CDH13: variants seen among roughly 807,000 people sequenced by gnomAD.
The protein encoded by CDH13 is cadherin 13.
A neutral mutation model predicts 63.8 loss-of-function variants in CDH13; 24 were observed. The observed-to-expected ratio is 0.38, with a 90% CI of 0.27 to 0.53. CDH13 has a LOEUF of 0.53. Ranked by LOEUF, CDH13 falls within the 20% of genes least tolerant of loss-of-function variation. The pLI, the probability that CDH13 is intolerant of heterozygous loss-of-function variation, is 0.85. For synonymous variants in CDH13, 503 were observed against 355.3 expected, an observed-to-expected ratio of 1.42 and a Z score of -4.67; for missense variants, 1,049 against 903.1, an observed-to-expected ratio of 1.16 and a Z score of -2.07.
At chr16:82,892,329 A>T (rs1264106028) in intron 2 of CDH13, among the ~76,000 whole-genome samples, 1 of 152,164 alleles carries the variant, frequency 6.6e-6, no homozygotes, top group African/African-American at 2.4e-5. Context: ...CTGCATGCTC[A>T]CACACTCTAG....
intron 10 of CDH13, among the ~76,000 whole-genome samples, chr16:83,679,686 C>G (rs1915247113): frequency 1.3e-5 from 2 of 152,132 alleles, no homozygotes; most frequent in Admixed American, 1.3e-4. Flanking sequence ...AAGAGAGAGT[C>G]TTTCTTAAGT....
At chr16:83,375,761 G>A (rs2091448691) in intron 6 of CDH13, among the ~76,000 whole-genome samples, 3 of 152,128 alleles carry the variant, frequency 2.0e-5, no homozygotes, top group South Asian at 2.1e-4. Flanking sequence ...AGCATGAGAA[G>A]CTTGTTGCAG....
intron 8 of CDH13, among the ~76,000 whole-genome samples, chr16:83,666,070 G>A (rs946329512): frequency 6.6e-6 from 1 of 152,148 alleles, no homozygotes; most frequent in Non-Finnish European, 1.5e-5. Context: ...TATTTGATTT[G>A]CCACACAGTT....
intron 4 of CDH13, among the ~76,000 whole-genome samples, chr16:83,211,437 A>G (rs1424791615): frequency 6.6e-6 from 1 of 152,228 alleles, no homozygotes; most frequent in Admixed American, 6.5e-5. Flanking sequence ...ATAATTGTAT[A>G]ATTCATATAT....
chr16:82,641,513 C>A (rs1341538262), intron 1 of CDH13, among the ~76,000 whole-genome samples: 1 of 152,192 alleles, frequency 6.6e-6, no homozygotes, highest in Non-Finnish European at 1.5e-5. Context: ...TATTCTCTTT[C>A]CCACTAGATG....
At chr16:83,722,633 T>C (rs4782554) in intron 10 of CDH13, among the ~76,000 whole-genome samples, 36,082 of 152,166 alleles carry the variant, frequency 0.24, 4,687 homozygotes, top group African/African-American at 0.35. Context: ...GAGAGAAGTC[T>C]AACCTTGCAA....
chr16:83,229,558 C>G (rs2039944851), intron 5 of CDH13, among the ~76,000 whole-genome samples: 1 of 151,840 alleles, frequency 6.6e-6, no homozygotes, highest in African/African-American at 2.4e-5. Context: ...ACACAGTTGG[C>G]CAGAGCTGTT....
At chr16:83,376,784 G>A (rs1036297035) in intron 6 of CDH13, among the ~76,000 whole-genome samples, 17 of 152,160 alleles carry the variant, frequency 1.1e-4, no homozygotes, top group African/African-American at 4.1e-4. Flanking sequence ...TTCTAGGTGA[G>A]GAGGGGACAT....
chr16:83,347,389 GC>G (rs1597801778), intron 6 of CDH13, among the ~76,000 whole-genome samples: 3 of 151,822 alleles, frequency 2.0e-5, no homozygotes, highest in Admixed American at 2.0e-4. Context: ...GGGGTTGGGG[GC>G]TGACTCTGGA....
intron 1 of CDH13, chr16:82,727,573 G>C (rs537460510): frequency 2.4e-4 from 36 of 152,248 alleles, no homozygotes; most frequent in Middle Eastern, 6.8e-3. Flanking sequence ...GATTTAAAGG[G>C]TAAGAGCTCA....
chr16:82,703,784 C>T (rs888750318), intron 1 of CDH13, among the ~76,000 whole-genome samples: 13 of 152,062 alleles, frequency 8.5e-5, no homozygotes, highest in African/African-American at 2.9e-4. Context: ...CCTCTTTGCC[C>T]CCTGAACAAG....
intron 2 of CDH13, among the ~76,000 whole-genome samples, chr16:83,002,827 G>A (rs1913081494): frequency 6.6e-6 from 1 of 152,200 alleles, no homozygotes; most frequent in Non-Finnish European, 1.5e-5. Context: ...CCGTGACACT[G>A]GAGTGTGCCT....
Position 83,199,376 on chromosome 16 carries a change from C to T in CDH13, c.484-17969C>T, listed in dbSNP as rs1597502777. ...TATCCAGGAGTTGGCATCTGACCAG[C>T]ATCTGGAGTTTTGGATTGATCTGGA... On this transcript the variant is annotated intron_variant, in intron 4 of 13. Coordinates refer to ENST00000567109, the MANE Select transcript of CDH13 (RefSeq NM_001257.5). Among the ~76,000 whole-genome samples, 7 of 152,242 alleles carry T rather than the reference C, an allele frequency of 4.6e-5. No homozygotes were observed. The South Asian group carries it at 1.4e-3, about 31-fold the overall frequency.
chr16:83,118,783 C>T (rs548653703), intron 3 of CDH13, among the ~76,000 whole-genome samples: 2 of 152,232 alleles, frequency 1.3e-5, no homozygotes, highest in East Asian at 3.9e-4. Context: ...TGTCCTGTCT[C>T]GAGGGGAGCA....
intron 4 of CDH13, among the ~76,000 whole-genome samples, chr16:83,170,503 C>T (rs1199617196): frequency 6.6e-6 from 1 of 152,080 alleles, no homozygotes; most frequent in Admixed American, 6.6e-5. Flanking sequence ...CTCACCAATA[C>T]AATTTCCCCC....
intron 1 of CDH13, among the ~76,000 whole-genome samples, chr16:82,686,014 C>T (rs1915032771): frequency 6.6e-6 from 1 of 152,176 alleles, no homozygotes; most frequent in African/African-American, 2.4e-5. Context: ...TATTTCTCTT[C>T]TGCATTATCC....
At chr16:83,163,726 G>A (rs75397848) in intron 4 of CDH13, among the ~76,000 whole-genome samples, 20 of 152,108 alleles carry the variant, frequency 1.3e-4, no homozygotes, top group Non-Finnish European at 2.6e-4. Context: ...CTTCAGTGTG[G>A]GTTCTTGAGC....
intron 2 of CDH13, among the ~76,000 whole-genome samples, chr16:82,931,978 T>C (rs2042510766): frequency 6.6e-6 from 1 of 152,128 alleles, no homozygotes; most frequent in Non-Finnish European, 1.5e-5. Flanking sequence ...AGAAAGCATC[T>C]TCAGAATGAA....
Position 83,763,208 on chromosome 16 carries a change from G to T in CDH13, c.1681+14958G>T, listed in dbSNP as rs540972795. Among the ~76,000 whole-genome samples, 4 of 152,194 alleles carry T rather than the reference G, an allele frequency of 2.6e-5. No individual in the cohort carries two copies. In the East Asian group the frequency reaches 7.7e-4, roughly 29 times the overall value. ...CCTGCCAGTGAAAAATGTGATGTGG[G>T]TTGCCAAGAAGACACACAGATATAG... On this transcript the variant is annotated intron_variant, in intron 11 of 13. Coordinates refer to ENST00000567109, the MANE Select transcript of CDH13 (RefSeq NM_001257.5).
Sources: gnomAD v4.1 joint callset for allele counts (sites outside exome capture counted in the v4.1 genomes callset) on GRCh38, gnomAD v4.1.1 for gene constraint, MANE v1.5 for transcripts, NCBI Gene and HGNC (gene_info 2026-07-23, HGNC 2026-07-21) for gene names.